RTTN: variants seen among roughly 807,000 people sequenced by gnomAD.
RTTN encodes the protein rotatin.
A neutral mutation model predicts 269.2 loss-of-function variants in RTTN; 182 were observed. That is an observed-to-expected ratio of 0.68 (90% CI 0.60 to 0.76). The LOEUF (loss-of-function observed/expected upper bound fraction) is 0.76, where lower values mean the gene tolerates loss of function less well. RTTN is among the 30% of genes least tolerant of loss of function. RTTN has a pLI of 0.00. For synonymous variants in RTTN, 1,006 were observed against 963.5 expected, an observed-to-expected ratio of 1.04 and a Z score of -0.82; for missense variants, 2,545 against 2,608.6, an observed-to-expected ratio of 0.98 and a Z score of 0.53.
chr18:70,131,713 T>C (rs1303308808), intron 23 of RTTN: 4 of 151,644 alleles, frequency 2.6e-5, no homozygotes. Context: ...TTAATGTATA[T>C]GTAACTACAA....
intron 11 of RTTN, among the ~76,000 whole-genome samples, chr18:70,171,586 C>T (rs548364812): frequency 2.2e-4 from 34 of 152,348 alleles, no homozygotes; most frequent in African/African-American, 7.9e-4. Context: ...TCACAATTTA[C>T]ACCCCTAATC....
chr18:70,188,985 C>T (rs773771078), intron 9 of RTTN, among the ~76,000 whole-genome samples: 1 of 152,110 alleles, frequency 6.6e-6, no homozygotes, highest in South Asian at 2.1e-4. Context: ...AAATCTCTTA[C>T]GATATTGAAC....
chr18:70,057,884 T>C (rs1272061156), intron 36 of RTTN, 52 bp from the exon 37 acceptor site: 12 of 1,282,536 alleles, frequency 9.4e-6, no homozygotes, highest in South Asian at 1.3e-5. Context: ...TACTTTTTAT[T>C]AAAGATTAAG....
chr18:70,150,703 G>T lies in RTTN; in HGVS notation c.1960C>A (p.Pro654Thr). The change falls in exon 15 of 49, where the codon CCC becomes ACC. Residue 654 changes from proline to threonine, a missense_variant. Pro to Thr is a conservative substitution (Grantham distance 38). Transcript: ENST00000640769. ...ATTCCATTGCAAAGTGAAGACACGG[G>T]TTTAGTGACATTATGGACACCTAAA... is the stretch of plus-strand genomic sequence containing the variant. ...ECLGVHNVTKPVSSLCNGIHF... is the reference protein window; with the variant it reads ...ECLGVHNVTKTVSSLCNGIHF... The T allele has an allele frequency of 6.2e-7, 1 of 1,606,932 alleles. No individual in the cohort carries two copies. Among genetic ancestry groups the T allele is most frequent in the South Asian group, 1.1e-5 (1 of 90,832 alleles).
rs117304137 is a variant in RTTN, at chr18:70,039,494, A to G, written c.5541+8477T>C. Among the ~76,000 whole-genome samples the G allele has an allele frequency of 6.1e-3, 924 of 152,312 alleles. 3 individuals carry two copies. The highest frequency in any genetic ancestry group is 0.01 in the Middle Eastern group (3 of 294). On this transcript the variant is annotated intron_variant, in intron 40 of 48. Transcript: ENST00000640769. ...TCCTTCAAGTATGAAGAGAAATAAA[A>G]ACCTTAGACAAACAAAAGCTGAAGG...
chr18:70,192,999 G>A, intron 8 of RTTN: 1 of 259,806 alleles, frequency 3.8e-6, no homozygotes, highest in East Asian at 7.2e-5. Context: ...ATACTATTAT[G>A]TGAACATTTT....
intron 8 of RTTN, among the ~76,000 whole-genome samples, chr18:70,191,954 C>T (rs1260750937): frequency 1.3e-5 from 2 of 152,106 alleles, no homozygotes; most frequent in African/African-American, 4.8e-5. Context: ...AAAAACATGG[C>T]TGAACAACCA....
chr18:70,161,046 CT>C (rs1200379696), intron 14 of RTTN, among the ~76,000 whole-genome samples: 1 of 152,138 alleles, frequency 6.6e-6, no homozygotes, highest in African/African-American at 2.4e-5. Flanking sequence ...CCAAAGCAAA[CT>C]TAAGCAAAAA....
At chr18:70,204,829 A>C (rs2062036065) in intron 2 of RTTN, among the ~76,000 whole-genome samples, 2 of 152,234 alleles carry the variant, frequency 1.3e-5, no homozygotes, top group Non-Finnish European at 2.9e-5. Flanking sequence ...TTAAGATGTA[A>C]ATGTCAGAAA....
chr18:70,048,818 C>A (rs73964480), intron 39 of RTTN, among the ~76,000 whole-genome samples: 5,847 of 151,752 alleles, frequency 0.039, 204 homozygotes, highest in African/African-American at 0.094. Context: ...GTGACCACGA[C>A]ATGTTTTAAA....
At chr18:70,047,422 AACAAAATTCTTGATTC>A (rs1186233577) in intron 40 of RTTN, among the ~76,000 whole-genome samples, 1 of 152,222 alleles carries the variant, frequency 6.6e-6, no homozygotes, top group Non-Finnish European at 1.5e-5. Flanking sequence ...TTTTCTGATT[AACAAAATTCTTGATTC>A]ACATTTTAGA....
intron 34 of RTTN, among the ~76,000 whole-genome samples, chr18:70,073,390 AGT>A (rs2058347268): frequency 6.6e-6 from 1 of 152,162 alleles, no homozygotes; most frequent in African/African-American, 2.4e-5. Context: ...AGTATTTAGA[AGT>A]GTGTTTAAAG....
intron 34 of RTTN, among the ~76,000 whole-genome samples, chr18:70,067,465 T>C (rs1454992873): frequency 6.6e-6 from 1 of 152,198 alleles, no homozygotes; most frequent in African/African-American, 2.4e-5. Flanking sequence ...AGCAAGCTTG[T>C]TTATTTTTAA....
intron 10 of RTTN, 40 bp downstream of exon 10, chr18:70,188,068 A>C (rs758955631): frequency 2.5e-6 from 3 of 1,206,474 alleles, no homozygotes; most frequent in Admixed American, 3.9e-5. Context: ...ATCTTAAAAA[A>C]TACTATTCCC....
chr18:70,182,307 A>AT (rs1018537746), intron 10 of RTTN, among the ~76,000 whole-genome samples: 6 of 152,112 alleles, frequency 3.9e-5, no homozygotes, highest in African/African-American at 1.2e-4. Flanking sequence ...TCTGTAATTT[A>AT]TTTTTTTATA....
intron 40 of RTTN, among the ~76,000 whole-genome samples, chr18:70,042,500 C>T (rs924974220): frequency 4.6e-5 from 7 of 151,656 alleles, no homozygotes; most frequent in Admixed American, 1.3e-4. Context: ...CTCAGCCTCC[C>T]GAGTAGCTGG....
At chr18:70,133,005 C>T (rs1031823460) in intron 23 of RTTN, among the ~76,000 whole-genome samples, 10 of 152,068 alleles carry the variant, frequency 6.6e-5, no homozygotes, top group African/African-American at 1.7e-4. Flanking sequence ...AATGACTCCC[C>T]ACATCTGGAC....
intron 22 of RTTN, among the ~76,000 whole-genome samples, chr18:70,134,912 G>A (rs2060087782): frequency 6.6e-6 from 1 of 151,884 alleles, no homozygotes; most frequent in Non-Finnish European, 1.5e-5. Flanking sequence ...CATAGTTGAA[G>A]GTATGTACTA....
At chr18:70,086,706 AAAAAAAAAAAAAAAAAAAAAAAAAAAAG>A in intron 31 of RTTN, 22 bp from the exon 32 acceptor site, 1 of 105,978 alleles carries the variant, frequency 9.4e-6, no homozygotes, top group Non-Finnish European at 1.9e-5. Flanking sequence ...AAAAAAAAAA[AAAAAAAAAAAAAAAAAAAAAAAAAAAAG>A]GTCAATACTG....
Sources: gnomAD v4.1 joint callset for allele counts (sites outside exome capture counted in the v4.1 genomes callset) on GRCh38, gnomAD v4.1.1 for gene constraint, MANE v1.5 for transcripts, NCBI Gene and HGNC (gene_info 2026-07-23, HGNC 2026-07-21) for gene names.